SPATA17: variants seen among roughly 807,000 people sequenced by gnomAD.
The protein encoded by SPATA17 is spermatogenesis-associated protein 17.
Under a neutral mutation model 62.2 loss-of-function variants are expected in SPATA17, and 53 were observed. That is an observed-to-expected ratio of 0.85 (90% CI 0.68 to 1.07). The LOEUF is 1.07. SPATA17 is among the 50% of genes least tolerant of loss of function. The probability of loss-of-function intolerance (pLI) is 0.00; values close to 1 mark genes in which losing one functional copy is unlikely to be tolerated. For synonymous variants in SPATA17, 146 were observed against 146.8 expected (o/e 0.99, Z 0.04); for missense variants, 466 against 425.5 (o/e 1.10, Z -0.84).
intron 5 of SPATA17, among the ~76,000 whole-genome samples, chr1:217,685,345 T>C (rs1271090487): frequency 6.6e-6 from 1 of 152,216 alleles, no homozygotes; most frequent in Non-Finnish European, 1.5e-5. Flanking sequence ...GGGAAAGGTC[T>C]GAATCTTCTA....
In SPATA17 at chr1:217,742,011, A is replaced by C; in HGVS notation, c.432A>C (p.Arg144Ser). 6.2e-7 allele frequency: 1 copy of C among 1,614,066 alleles called. No homozygotes were observed. The highest frequency in any genetic ancestry group is 8.5e-7 in the Non-Finnish European group (1 of 1,179,918). The change falls in exon 6 of 11, where the codon AGA (arginine) becomes AGC (serine). Residue 144 changes from arginine to serine, a missense_variant. Physicochemically the swap from Arg to Ser is moderately radical, Grantham distance 110. Coordinates refer to ENST00000366933, the MANE Select transcript of SPATA17 (RefSeq NM_138796.4). Reference sequence around the variant, plus strand: ...AGGAGTTTGCAGAAATGAAAGAAAGAGAAGAGAAGAAGGCTAACCTCGAAA... The same window carrying C: ...AGGAGTTTGCAGAAATGAAAGAAAGCGAAGAGAAGAAGGCTAACCTCGAAA... ...ALEEFAEMKE[R>S]EEKKANLERE...
chr1:217,682,959 T>C (rs1255319009), intron 4 of SPATA17, among the ~76,000 whole-genome samples: 2 of 151,990 alleles, frequency 1.3e-5, no homozygotes, highest in Non-Finnish European at 2.9e-5. Flanking sequence ...GTGGAAATGG[T>C]AGGAATTTGT....
At chr1:217,702,727 T>G (rs1042235981) in intron 5 of SPATA17, among the ~76,000 whole-genome samples, 5 of 152,192 alleles carry the variant, frequency 3.3e-5, no homozygotes, top group African/African-American at 1.2e-4. Flanking sequence ...AGGTAATCCT[T>G]TGGCATTTTT....
chr1:217,681,398 G>A (rs1022454464), intron 4 of SPATA17, among the ~76,000 whole-genome samples: 14 of 151,474 alleles, frequency 9.2e-5, no homozygotes, highest in African/African-American at 3.2e-4. Flanking sequence ...TTTTGAGACC[G>A]AGTCTCGCTC....
At chr1:217,831,798 A>G (rs1445725176) in intron 9 of SPATA17, among the ~76,000 whole-genome samples, 1 of 152,168 alleles carries the variant, frequency 6.6e-6, no homozygotes, top group Non-Finnish European at 1.5e-5. Context: ...TTATTATGGC[A>G]GTAATGAAGA....
In SPATA17 at chr1:217,846,101, A is replaced by G. The variant is rs552675968; in HGVS notation, c.1006-16673A>G. ...TTGAAAATTTGGATAGGCCCTACCC[A>G]TATAGTTGGAGACCAGACAAAACTA... On this transcript the variant is annotated intron_variant, in intron 9 of 10. Coordinates refer to ENST00000366933, the MANE Select transcript of SPATA17 (RefSeq NM_138796.4). Among the ~76,000 whole-genome samples, 29 of 152,282 alleles carry G rather than the reference A, an allele frequency of 1.9e-4. No individual in the cohort carries two copies. In the East Asian group the frequency reaches 5.6e-3, roughly 29 times the overall value.
At chr1:217,863,124 T>C (rs1412340807) in intron 10 of SPATA17, among the ~76,000 whole-genome samples, 2 of 146,192 alleles carry the variant, frequency 1.4e-5, no homozygotes, top group South Asian at 2.2e-4. Context: ...TCTTTCTTTT[T>C]TTTTTTTTTT....
intron 4 of SPATA17, among the ~76,000 whole-genome samples, chr1:217,671,014 C>A (rs1571720482): frequency 6.7e-6 from 1 of 149,934 alleles, no homozygotes. Flanking sequence ...CAGCTTACTG[C>A]AAAATAATAA....
At chr1:217,635,789 G>T (rs1427367358) in intron 1 of SPATA17, among the ~76,000 whole-genome samples, 1 of 151,976 alleles carries the variant, frequency 6.6e-6, no homozygotes, top group Non-Finnish European at 1.5e-5. Flanking sequence ...GGGAGACCTG[G>T]TTTTTATCAT....
At chr1:217,848,449 G>C (rs936196902) in intron 9 of SPATA17, among the ~76,000 whole-genome samples, 6 of 151,936 alleles carry the variant, frequency 3.9e-5, no homozygotes, top group African/African-American at 1.4e-4. Flanking sequence ...TTTTTACTAT[G>C]TAAAGATTGT....
intron 8 of SPATA17, among the ~76,000 whole-genome samples, chr1:217,783,037 T>G (rs1383094173): frequency 1.3e-5 from 2 of 151,192 alleles, no homozygotes; most frequent in African/African-American, 4.8e-5. Context: ...TTAATATTAT[T>G]TATATGCTAA....
intron 9 of SPATA17, among the ~76,000 whole-genome samples, chr1:217,845,213 G>A (rs1426609182): frequency 6.6e-6 from 1 of 152,032 alleles, no homozygotes; most frequent in Non-Finnish European, 1.5e-5. Flanking sequence ...TTTCATCCAT[G>A]TCTTTTAACA....
intron 9 of SPATA17, among the ~76,000 whole-genome samples, chr1:217,839,937 T>A (rs1675352817): frequency 6.6e-6 from 1 of 152,122 alleles, no homozygotes; most frequent in East Asian, 1.9e-4. Context: ...TCTATAGATT[T>A]CCAGTGAAGT....
intron 9 of SPATA17, among the ~76,000 whole-genome samples, chr1:217,833,625 G>A (rs911148024): frequency 3.3e-5 from 5 of 152,028 alleles, no homozygotes; most frequent in East Asian, 3.9e-4. Flanking sequence ...TTTTATATGC[G>A]GAGTTTGATT....
intron 5 of SPATA17, among the ~76,000 whole-genome samples, chr1:217,720,041 C>G (rs1294485213): frequency 6.6e-6 from 1 of 152,174 alleles, no homozygotes; most frequent in East Asian, 1.9e-4. Flanking sequence ...CTGCATAGAG[C>G]TAATAGCCAA....
chr1:217,847,765 A>G (rs1240012124), intron 9 of SPATA17, among the ~76,000 whole-genome samples: 1 of 152,162 alleles, frequency 6.6e-6, no homozygotes, highest in Non-Finnish European at 1.5e-5. Flanking sequence ...AAAATATGAC[A>G]TCAGGCCAGG....
rs59177848 is a variant in SPATA17 at position 217,776,676 on chromosome 1, TAA to T, written c.723+2158_723+2159del. On this transcript the variant is annotated intron_variant, in intron 7 of 10. Coordinates refer to ENST00000366933, the MANE Select transcript of SPATA17 (RefSeq NM_138796.4). ...CAACATAGCGAGAGCCTGTCTCTATTAAAAAAAAAAAAAAAAAAAAGATGTCA... is the reference window on the plus strand; with the variant it reads ...CAACATAGCGAGAGCCTGTCTCTATTAAAAAAAAAAAAAAAAAAGATGTCA... Among the ~76,000 whole-genome samples the T allele has an allele frequency of 3.9e-3, 470 of 119,052 alleles. 2 individuals carry two copies. The highest frequency in any genetic ancestry group is 0.013 in the African/African-American group (400 of 31,886). The allele number at this position is 119,052 out of a possible 152,430, so 78.1% of individuals were successfully genotyped here.
intron 2 of SPATA17, among the ~76,000 whole-genome samples, chr1:217,650,485 C>T (rs1485311837): frequency 2.6e-5 from 4 of 152,026 alleles, no homozygotes; most frequent in South Asian, 2.1e-4. Flanking sequence ...GGCGCGATCT[C>T]GGCTCACTGC....
At chr1:217,792,557 A>G (rs768234917) in intron 8 of SPATA17, among the ~76,000 whole-genome samples, 1 of 152,160 alleles carries the variant, frequency 6.6e-6, no homozygotes, top group Admixed American at 6.5e-5. Context: ...GCCTAATTCA[A>G]TATAACCTTC....
Sources: allele counts gnomAD v4.1 joint callset (sites outside exome capture counted in the v4.1 genomes callset), GRCh38; gene constraint gnomAD v4.1.1; transcripts MANE v1.5; gene names NCBI Gene and HGNC (gene_info 2026-07-23, HGNC 2026-07-21).